The following KLHL4 variants were observed in gnomAD, a reference collection of about 807,000 sequenced individuals.
KLHL4 encodes kelch like family member 4.
A neutral mutation model predicts 45.8 loss-of-function variants in KLHL4; 17 were observed. The observed-to-expected ratio is 0.37, with a 90% confidence interval of 0.25 to 0.56. KLHL4 has a LOEUF of 0.56. KLHL4 is among the 20% of genes least tolerant of loss of function. KLHL4 has a pLI of 0.79. For synonymous variants in KLHL4, 224 were observed against 189.9 expected (o/e 1.18, Z -1.47); for missense variants, 544 against 544.9 (o/e 1.00, Z 0.02).
chrX:87,655,999 G>T (rs1372636045), intron 9 of KLHL4, among the ~76,000 whole-genome samples: 1 of 111,413 alleles, frequency 9.0e-6, no homozygotes, highest in African/African-American at 3.3e-5. Flanking sequence ...TCCTTAAATG[G>T]CTTGAAAATA....
In KLHL4 at chrX:87,669,334, G is replaced by T; in HGVS notation, c.*2800G>T. 1 of 1,208,333 alleles carries T rather than the reference G, an allele frequency of 8.3e-7. No homozygotes were observed. The highest frequency in any genetic ancestry group is 1.8e-5 in the South Asian group (1 of 56,775). Reference sequence around the variant, plus strand: ...ACCTTCCTGTATTTCCACAGAGCATGCAAGAACTTCTACAAAACTTCTATA... The same window carrying T: ...ACCTTCCTGTATTTCCACAGAGCATTCAAGAACTTCTACAAAACTTCTATA... On this transcript the variant is annotated 3_prime_UTR_variant, in exon 11 of 11. Coordinates refer to ENST00000373119, the MANE Select transcript of KLHL4 (RefSeq NM_019117.5).
intron 1 of KLHL4, among the ~76,000 whole-genome samples, chrX:87,581,041 G>A (rs1352272987): frequency 8.9e-6 from 1 of 112,185 alleles, no homozygotes; most frequent in South Asian, 3.7e-4. Context: ...GCTTTAAAGA[G>A]CCCAAGCTGA....
At chrX:87,658,792 A>G (rs1359693701) in intron 9 of KLHL4, among the ~76,000 whole-genome samples, 1 of 110,258 alleles carries the variant, frequency 9.1e-6, no homozygotes, top group Non-Finnish European at 1.9e-5. Flanking sequence ...CAAAGCCCCT[A>G]ATTTGCCCTC....
intron 4 of KLHL4, among the ~76,000 whole-genome samples, chrX:87,619,553 A>C (rs1035039324): frequency 8.9e-6 from 1 of 112,062 alleles, no homozygotes; most frequent in Non-Finnish European, 1.9e-5. Context: ...ATGAAGGTCA[A>C]AGGTTTATTC....
At chrX:87,601,304 T>C (rs1922009278) in intron 1 of KLHL4, among the ~76,000 whole-genome samples, 1 of 111,390 alleles carries the variant, frequency 9.0e-6, no homozygotes, top group African/African-American at 3.3e-5. Flanking sequence ...ACTTGGGGTT[T>C]CATACATTGG....
At chrX:87,531,055 G>A (rs1250070020) in intron 1 of KLHL4, among the ~76,000 whole-genome samples, 1 of 112,129 alleles carries the variant, frequency 8.9e-6, no homozygotes, top group Non-Finnish European at 1.9e-5. Context: ...TCCTTTGGCT[G>A]CATAAATGTC....
chrX:87,519,319 CTA>C (rs1260951789), intron 1 of KLHL4, among the ~76,000 whole-genome samples: 2 of 111,849 alleles, frequency 1.8e-5, no homozygotes, highest in African/African-American at 6.5e-5. Context: ...ATCTGGCATA[CTA>C]TGTCTCTACC....
At chrX:87,649,940 G>A (rs1923754666) in intron 9 of KLHL4, among the ~76,000 whole-genome samples, 1 of 110,945 alleles carries the variant, frequency 9.0e-6, no homozygotes, top group Non-Finnish European at 1.9e-5. Context: ...TCTTAATCAG[G>A]GAAGCAGTAA....
At chrX:87,632,943 AAGC>A (rs1229171096) in intron 7 of KLHL4, among the ~76,000 whole-genome samples, 1 of 111,633 alleles carries the variant, frequency 9.0e-6, no homozygotes, top group African/African-American at 3.3e-5. Context: ...TAGAGCTAAA[AAGC>A]AGCAGATCCA....
chrX:87,558,039 TA>T (rs1454123823), intron 1 of KLHL4, among the ~76,000 whole-genome samples: 1 of 111,921 alleles, frequency 8.9e-6, no homozygotes, highest in Non-Finnish European at 1.9e-5. Context: ...AGAAATTGCT[TA>T]AAGATCATGG....
At chrX:87,555,037 T>C (rs1478445749) in intron 1 of KLHL4, among the ~76,000 whole-genome samples, 2 of 102,084 alleles carry the variant, frequency 2.0e-5, no homozygotes, top group African/African-American at 7.2e-5. Context: ...TTTGTGTATA[T>C]TGAACCAGCC....
At chrX:87,629,677 G>A (rs1424910293) in intron 6 of KLHL4, among the ~76,000 whole-genome samples, 2 of 110,770 alleles carry the variant, frequency 1.8e-5, no homozygotes, top group African/African-American at 6.5e-5. Context: ...TCCGTAAATT[G>A]CACTAACACA....
intron 1 of KLHL4, among the ~76,000 whole-genome samples, chrX:87,547,858 C>T (rs1255627863): frequency 1.8e-5 from 2 of 111,039 alleles, no homozygotes; most frequent in African/African-American, 6.6e-5. Flanking sequence ...TAAGCATGTA[C>T]AAAAGATTTA....
intron 1 of KLHL4, among the ~76,000 whole-genome samples, chrX:87,583,615 T>G (rs1211704125): frequency 1.1e-4 from 12 of 111,557 alleles, no homozygotes; most frequent in Non-Finnish European, 1.1e-4. Context: ...GACCTAGCCC[T>G]GGCAGTATTC....
chrX:87,617,420 T>C (rs773345380), intron 3 of KLHL4, among the ~76,000 whole-genome samples: 1 of 111,085 alleles, frequency 9.0e-6, no homozygotes, highest in African/African-American at 3.3e-5. Context: ...AGCTTAATGC[T>C]TTTTTTATTT....
chrX:87,632,627 C>A (rs1445465219), intron 7 of KLHL4, among the ~76,000 whole-genome samples, 193 bp downstream of exon 7: 1 of 111,419 alleles, frequency 9.0e-6, no homozygotes. Context: ...TGATTCCCTT[C>A]CACCAGTATT....
chrX:87,640,627 C>A (rs1472872152), intron 9 of KLHL4, among the ~76,000 whole-genome samples: 1 of 111,663 alleles, frequency 9.0e-6, no homozygotes, highest in African/African-American at 3.3e-5. Flanking sequence ...AACCCTTTGA[C>A]AAAGTCCAGC....
rs757851170 is a variant in KLHL4 at position 87,531,108 on chromosome X, G to A, written c.422+12793G>A. ...TGTTCATGTCCTTTGCCCACTTTTTGATGGGGTTGTTTTTTTCTTGTAAAT... is the reference window on the plus strand; with the variant it reads ...TGTTCATGTCCTTTGCCCACTTTTTAATGGGGTTGTTTTTTTCTTGTAAAT... On this transcript the variant is annotated intron_variant, in intron 1 of 10. Coordinates refer to ENST00000373119, the MANE Select transcript of KLHL4 (RefSeq NM_019117.5). 4.5e-3 allele frequency among the ~76,000 whole-genome samples: 502 copies of A among 111,119 alleles called. 2 individuals carry two copies. Among genetic ancestry groups the A allele is most frequent in the Middle Eastern group, 0.018 (4 of 217 alleles).
chrX:87,574,809 A>G (rs1276577758), intron 1 of KLHL4, among the ~76,000 whole-genome samples: 1 of 111,911 alleles, frequency 8.9e-6, no homozygotes, highest in Non-Finnish European at 1.9e-5. Context: ...TTAACTTAAA[A>G]GGAGGTAATG....
Sources: gnomAD v4.1 joint callset for allele counts (sites outside exome capture counted in the v4.1 genomes callset) on GRCh38, gnomAD v4.1.1 for gene constraint, MANE v1.5 for transcripts, NCBI Gene and HGNC (gene_info 2026-07-23, HGNC 2026-07-21) for gene names.